Variants in PLPPR1 observed in about 807,000 individuals in gnomAD.
PLPPR1 encodes the protein phospholipid phosphatase related 1, also known as phospholipid phosphatase-related protein type 1.
In PLPPR1, 10 loss-of-function variants were observed where a neutral mutation model predicts 33.1. The ratio of observed to expected loss-of-function variants is 0.30; its 90% CI spans 0.19 to 0.51. The LOEUF is 0.51. PLPPR1 is among the 20% of genes least tolerant of loss of function. The pLI is 0.97. For synonymous variants in PLPPR1, 151 were observed against 151.0 expected (o/e 1.00, Z 0.00); for missense variants, 304 against 408.1 (o/e 0.74, Z 2.20).
chr9:101,266,151 G>C lies in PLPPR1; in HGVS notation c.64-3729G>C, dbSNP rs577172847. Among the ~76,000 whole-genome samples the C allele has an allele frequency of 3.9e-5, 6 of 152,184 alleles. No individual in the cohort carries two copies. In the South Asian group the frequency reaches 1.2e-3, roughly 32 times the overall value. Reference sequence around the variant, plus strand: ...GCTTGAAAATGACAGGGAAGGCCGGGCGCGGTGGCTCACGCCTGTAATCCC... The same window carrying C: ...GCTTGAAAATGACAGGGAAGGCCGGCCGCGGTGGCTCACGCCTGTAATCCC... On this transcript the variant is annotated intron_variant, in intron 2 of 7. Transcript: ENST00000374874.
At chr9:101,119,792 A>T (rs1253366001) in intron 1 of PLPPR1, among the ~76,000 whole-genome samples, 1 of 152,138 alleles carries the variant, frequency 6.6e-6, no homozygotes, top group Non-Finnish European at 1.5e-5. Context: ...TAGCTTAGAG[A>T]ATGCAGTGGC....
At chr9:101,313,122 C>A in intron 6 of PLPPR1, 148 bp downstream of exon 6, 1 of 735,258 alleles carries the variant, frequency 1.4e-6, no homozygotes, top group Non-Finnish European at 2.2e-6. Context: ...CATGCTTTTG[C>A]TACAAAAATG....
chr9:101,047,487 T>C (rs1023337562), intron 1 of PLPPR1, among the ~76,000 whole-genome samples: 2 of 152,242 alleles, frequency 1.3e-5, no homozygotes, highest in African/African-American at 4.8e-5. Context: ...ATATTTGTCT[T>C]CTATACCTAC....
rs547267534 is a variant in PLPPR1 at position 101,056,205 on chromosome 9, C to T, written c.-46+27103C>T. Among the ~76,000 whole-genome samples the T allele has an allele frequency of 1.8e-4, 27 of 151,892 alleles. No homozygotes were observed. The South Asian group carries it at 4.4e-3, about 25-fold the overall frequency. On this transcript the variant is annotated intron_variant, in intron 1 of 7. Coordinates refer to ENST00000374874, the MANE Select transcript of PLPPR1 (RefSeq NM_207299.2). ...TGGAGGGAAAAATATGATCTTCTGC[C>T]AGCTCTCATTTAGAGCCTTTGCACA...
chr9:101,063,112 C>G (rs1032066111), intron 1 of PLPPR1, among the ~76,000 whole-genome samples: 1 of 152,044 alleles, frequency 6.6e-6, no homozygotes, highest in Non-Finnish European at 1.5e-5. Context: ...TTTTCTAAAA[C>G]ATATAAAGTG....
At chr9:101,153,190 GCTCT>G (rs1831618212) in intron 1 of PLPPR1, among the ~76,000 whole-genome samples, 1 of 152,048 alleles carries the variant, frequency 6.6e-6, no homozygotes. Flanking sequence ...TCATGATTTG[GCTCT>G]CTGTCTGTTA....
intron 1 of PLPPR1, among the ~76,000 whole-genome samples, chr9:101,182,535 G>A (rs1465293736): frequency 6.6e-6 from 1 of 151,714 alleles, no homozygotes; most frequent in African/African-American, 2.4e-5. Context: ...GTGGGAGACA[G>A]CTAATGGGAA....
intron 1 of PLPPR1, among the ~76,000 whole-genome samples, chr9:101,082,250 G>C (rs192461661): frequency 6.6e-6 from 1 of 152,208 alleles, no homozygotes; most frequent in East Asian, 1.9e-4. Context: ...TACTATTACA[G>C]TCCCTAGGTT....
chr9:101,078,893 C>T (rs369684354), intron 1 of PLPPR1, among the ~76,000 whole-genome samples: 38 of 152,238 alleles, frequency 2.5e-4, no homozygotes, highest in South Asian at 1.2e-3. Context: ...TTGATTCTGA[C>T]CTCCTTTTGT....
chr9:101,238,243 TATAG>T (rs965318975), intron 2 of PLPPR1, among the ~76,000 whole-genome samples: 155 of 136,248 alleles, frequency 1.1e-3, no homozygotes, highest in African/African-American at 3.4e-3. Context: ...TATATACCTA[TATAG>T]AGAGAGGTAT....
At chr9:101,046,020 A>G (rs1264966770) in intron 1 of PLPPR1, among the ~76,000 whole-genome samples, 1 of 152,232 alleles carries the variant, frequency 6.6e-6, no homozygotes, top group Non-Finnish European at 1.5e-5. Context: ...TTCCAAAATT[A>G]CAGAAATTTA....
intron 2 of PLPPR1, among the ~76,000 whole-genome samples, chr9:101,199,800 C>A (rs1249354169): frequency 2.6e-5 from 4 of 152,176 alleles, no homozygotes; most frequent in Non-Finnish European, 4.4e-5. Flanking sequence ...TTTCATACTG[C>A]AGCACACAGA....
At chr9:101,247,919 T>A (rs1827643471) in intron 2 of PLPPR1, among the ~76,000 whole-genome samples, 1 of 152,060 alleles carries the variant, frequency 6.6e-6, no homozygotes, top group African/African-American at 2.4e-5. Flanking sequence ...AGCTAAGTTT[T>A]TTTTCTGATT....
At position 101,039,911 on chromosome 9, in the gene PLPPR1, G is replaced by A. The variant is rs563053446; in HGVS notation, c.-46+10809G>A. Among the ~76,000 whole-genome samples, 8 of 123,660 alleles carry A rather than the reference G, an allele frequency of 6.5e-5. No individual in the cohort carries two copies. The South Asian group carries it at 2.0e-3, about 32-fold the overall frequency. 81.1% of individuals were successfully genotyped at this position (123,660 alleles called of 152,430 possible). ...ATTTTTGTGGGGACACGGCCAAACC[G>A]TATTGCCTCCTAAAAAAAAAAAAAA... is the stretch of plus-strand genomic sequence containing the variant. On this transcript the variant is annotated intron_variant, in intron 1 of 7. Transcript: ENST00000374874.
rs116407297 is a variant in PLPPR1 at position 101,048,374 on chromosome 9, A to G, written c.-46+19272A>G. Among the ~76,000 whole-genome samples the G allele has an allele frequency of 1.6e-3, 242 of 152,310 alleles. 1 individual carries two copies. Among genetic ancestry groups the G allele is most frequent in the African/African-American group, 5.5e-3 (230 of 41,574 alleles). ...TGATCTAGTGAACATTCAAGATAGGAGGTACCAGGCCTTCCCTGAGCTAAT... is the reference window on the plus strand; with the variant it reads ...TGATCTAGTGAACATTCAAGATAGGGGGTACCAGGCCTTCCCTGAGCTAAT... On this transcript the variant is annotated intron_variant, in intron 1 of 7. Coordinates refer to ENST00000374874, the MANE Select transcript of PLPPR1 (RefSeq NM_207299.2).
At chr9:101,157,183 AT>A (rs1831706861) in intron 1 of PLPPR1, among the ~76,000 whole-genome samples, 1 of 152,154 alleles carries the variant, frequency 6.6e-6, no homozygotes, top group East Asian at 1.9e-4. Context: ...ACTTCACCTG[AT>A]TTTTCTATGT....
At chr9:101,043,987 T>C (rs1301760349) in intron 1 of PLPPR1, among the ~76,000 whole-genome samples, 3 of 152,018 alleles carry the variant, frequency 2.0e-5, no homozygotes, top group Admixed American at 1.3e-4. Flanking sequence ...CAAAAGCAAA[T>C]GCAACAAAAA....
intron 1 of PLPPR1, among the ~76,000 whole-genome samples, chr9:101,175,179 T>C (rs1216881122): frequency 2.0e-5 from 3 of 152,160 alleles, no homozygotes; most frequent in Non-Finnish European, 1.5e-5. Flanking sequence ...CAACACTATT[T>C]TAATCAACTT....
At chr9:101,111,276 A>G (rs1434823343) in intron 1 of PLPPR1, among the ~76,000 whole-genome samples, 1 of 152,196 alleles carries the variant, frequency 6.6e-6, no homozygotes, top group Non-Finnish European at 1.5e-5. Context: ...AATAACAAAT[A>G]AAAGCTAGGA....
Sources: gnomAD v4.1 joint callset for allele counts (sites outside exome capture counted in the v4.1 genomes callset) on GRCh38, gnomAD v4.1.1 for gene constraint, MANE v1.5 for transcripts, NCBI Gene and HGNC (gene_info 2026-07-23, HGNC 2026-07-21) for gene names.